The following AMOTL1 variants were observed in gnomAD, a reference collection of about 807,000 sequenced individuals.
AMOTL1 encodes the protein angiomotin-like protein 1.
Under a neutral mutation model 102.9 loss-of-function variants are expected in AMOTL1, and 45 were observed. That is an observed-to-expected ratio of 0.44 (90% CI 0.34 to 0.56). The LOEUF is 0.56. AMOTL1 is among the 20% of genes least tolerant of loss of function. The probability of loss-of-function intolerance (pLI) is 0.01; values close to 1 mark genes in which losing one functional copy is unlikely to be tolerated. For synonymous variants in AMOTL1, 481 were observed against 484.7 expected (o/e 0.99, Z 0.10); for missense variants, 1,114 against 1,225.6 (o/e 0.91, Z 1.36).
At chr11:94,864,618 G>A in intron 9 of AMOTL1, 117 bp from the exon 10 acceptor site, 2 of 1,399,522 alleles carry the variant, frequency 1.4e-6, no homozygotes, top group Non-Finnish European at 1.9e-6. Flanking sequence ...GCCAATGCGA[G>A]ATGCAGAGCT....
chr11:94,737,103 G>A (rs1468002861), intron 2 of AMOTL1, among the ~76,000 whole-genome samples: 1 of 152,168 alleles, frequency 6.6e-6, no homozygotes, highest in Non-Finnish European at 1.5e-5. Flanking sequence ...AATGTTGTAA[G>A]GATAGTTCCT....
At chr11:94,785,822 T>C (rs1951178847) in intron 1 of AMOTL1, among the ~76,000 whole-genome samples, 1 of 152,230 alleles carries the variant, frequency 6.6e-6, no homozygotes, top group Non-Finnish European at 1.5e-5. Context: ...TACAGACATA[T>C]TGTCATTTCA....
chr11:94,826,637 A>G (rs1178245946), intron 4 of AMOTL1, among the ~76,000 whole-genome samples: 3 of 152,190 alleles, frequency 2.0e-5, no homozygotes, highest in Non-Finnish European at 4.4e-5. Flanking sequence ...TATTCCTGCA[A>G]AATCCAGTCT....
intron 1 of AMOTL1, among the ~76,000 whole-genome samples, chr11:94,772,576 A>T (rs1456988138): frequency 6.6e-6 from 1 of 152,250 alleles, no homozygotes; most frequent in South Asian, 2.1e-4. Flanking sequence ...ATTGCTGAGT[A>T]GTATTCCATA....
At chr11:94,831,563 A>T in intron 6 of AMOTL1, 22 bp downstream of exon 6, 1 of 1,597,292 alleles carries the variant, frequency 6.3e-7, no homozygotes, top group Non-Finnish European at 8.6e-7. Flanking sequence ...CTTATTTATT[A>T]TCCCAAAGTT....
At chr11:94,829,354 C>T (rs1028413453) in intron 4 of AMOTL1, among the ~76,000 whole-genome samples, 2 of 152,018 alleles carry the variant, frequency 1.3e-5, no homozygotes, top group South Asian at 2.1e-4. Context: ...TCCCAAGTAG[C>T]TGGGGTTACA....
chr11:94,770,167 G>A (rs765456992), intron 1 of AMOTL1, among the ~76,000 whole-genome samples: 1 of 152,182 alleles, frequency 6.6e-6, no homozygotes, highest in South Asian at 2.1e-4. Flanking sequence ...TCAGACCCAG[G>A]TTAACGATTA....
At chr11:94,792,281 G>A (rs1742462277) in intron 1 of AMOTL1, among the ~76,000 whole-genome samples, 1 of 152,108 alleles carries the variant, frequency 6.6e-6, no homozygotes, top group African/African-American at 2.4e-5. Context: ...GAGAACACTT[G>A]GACACAGGAT....
intron 3 of AMOTL1, among the ~76,000 whole-genome samples, chr11:94,760,587 G>A (rs1303294372): frequency 1.3e-5 from 2 of 152,136 alleles, no homozygotes; most frequent in African/African-American, 4.8e-5. Flanking sequence ...TGTCTTTTAG[G>A]TCTTTACTTA....
rs538706217 is a variant in AMOTL1 at position 94,726,325 on chromosome 11, C to G, written c.-50-2596C>G. Among the ~76,000 whole-genome samples the G allele has an allele frequency of 2.6e-5, 4 of 152,262 alleles. No homozygotes were observed. In the East Asian group the frequency reaches 7.7e-4, roughly 29 times the overall value. On this transcript the variant is annotated intron_variant, in intron 1 of 4. Coordinates refer to the AMOTL1 transcript ENST00000299004. Reference sequence around the variant, plus strand: ...TTGAGAGCTTTATGAGATCTAATACCTAGGTAGAGTCTTCACCCACACTGG... The same window carrying G: ...TTGAGAGCTTTATGAGATCTAATACGTAGGTAGAGTCTTCACCCACACTGG...
At chr11:94,796,551 T>C (rs546751172) in intron 2 of AMOTL1, among the ~76,000 whole-genome samples, 2 of 152,278 alleles carry the variant, frequency 1.3e-5, no homozygotes, top group South Asian at 2.1e-4. Flanking sequence ...CCATTCAGCA[T>C]GTCTAAATGG....
intron 11 of AMOTL1, among the ~76,000 whole-genome samples, chr11:94,868,312 C>CTA (rs1324538187): frequency 6.6e-6 from 1 of 152,208 alleles, no homozygotes; most frequent in African/African-American, 2.4e-5. Context: ...ACCGCCTTTT[C>CTA]TATAGGCTAG....
intron 9 of AMOTL1, 129 bp from the exon 10 acceptor site, chr11:94,864,606 G>A: frequency 2.3e-6 from 3 of 1,299,720 alleles, no homozygotes. Flanking sequence ...AAGGCTTCAT[G>A]AGCCAATGCG....
At chr11:94,870,401 T>C (rs1592054648) in intron 12 of AMOTL1, among the ~76,000 whole-genome samples, 1 of 152,230 alleles carries the variant, frequency 6.6e-6, no homozygotes, top group Non-Finnish European at 1.5e-5. Flanking sequence ...TAGCTCAGAA[T>C]ATGCACCTGA....
intron 1 of AMOTL1, chr11:94,728,897 T>A (rs1950301832): frequency 9.0e-7 from 1 of 1,116,068 alleles, no homozygotes; most frequent in Non-Finnish European, 1.2e-6. Context: ...CAAATCCCTT[T>A]TTTATATTCA....
chr11:94,864,855 A>G lies in AMOTL1; in HGVS notation c.2256A>G (p.Glu752=). 6.2e-7 allele frequency: 1 copy of G among 1,613,456 alleles called. No homozygotes were observed. Among genetic ancestry groups the G allele is most frequent in the East Asian group, 2.2e-5 (1 of 44,862 alleles). Residue 752 remains glutamate, a synonymous_variant, in exon 10 of 13, where the codon GAA becomes GAG. Transcript: ENST00000433060. ...VQANRRCQDM[E]YTIKNLHAKI... ...CCAACAGAAGGTGTCAGGACATGGA[A>G]TACACGTAAGGGACGACTATGTGTG...
In AMOTL1 at chr11:94,830,146, T is replaced by G; in HGVS notation, c.1510T>G (p.Leu504Val). Reference protein sequence around the residue: ...ESLDKAMRNKLEGEIRRLHDF... With the variant: ...ESLDKAMRNKVEGEIRRLHDF... ...GCTGGACAAGGCCATGAGAAACAAA[T>G]TGGAAGGCGAGATTAGAAGACTTCA... Residue 504 changes from leucine (L) to valine (V), a missense_variant, in exon 5 of 13, where the codon TTG becomes GTG. Coordinates refer to ENST00000433060, the MANE Select transcript of AMOTL1 (RefSeq NM_130847.3). 6.2e-7 allele frequency: 1 copy of G among 1,610,920 alleles called. No homozygotes were observed. The highest frequency in any genetic ancestry group is 8.5e-7 in the Non-Finnish European group (1 of 1,178,590).
In AMOTL1 at chr11:94,840,735, CACAT is replaced by C. The variant is rs1164291437; in HGVS notation, c.1648+9196_1648+9199del. Reference sequence around the variant, plus strand: ...ATATATATACATATATATGTACACACACATATAATAATGCCTTAATGCCTTAGTT... The same window carrying C: ...ATATATATACATATATATGTACACACATAATAATGCCTTAATGCCTTAGTT... On this transcript the variant is annotated intron_variant, in intron 6 of 12. Transcript: ENST00000433060. Among the ~76,000 whole-genome samples the C allele has an allele frequency of 1.6e-4, 24 of 149,406 alleles. No individual in the cohort carries two copies. In the South Asian group the frequency reaches 4.9e-3, roughly 30 times the overall value.
At chr11:94,855,587 A>G (rs183735928) in intron 8 of AMOTL1, among the ~76,000 whole-genome samples, 30 of 152,312 alleles carry the variant, frequency 2.0e-4, no homozygotes, top group African/African-American at 5.8e-4. Context: ...CTTAGAGCAC[A>G]TAAAGAATGT....
Sources: allele counts gnomAD v4.1 joint callset (sites outside exome capture counted in the v4.1 genomes callset), GRCh38; gene constraint gnomAD v4.1.1; transcripts MANE v1.5; gene names NCBI Gene and HGNC (gene_info 2026-07-23, HGNC 2026-07-21).